The following PPP6R3 variants were observed in gnomAD, a reference collection of about 807,000 sequenced individuals.
PPP6R3 encodes protein phosphatase 6 regulatory subunit 3.
Under a neutral mutation model 110.7 loss-of-function variants are expected in PPP6R3, and 38 were observed. That is an observed-to-expected ratio of 0.34 (90% CI 0.26 to 0.45). PPP6R3 has a LOEUF of 0.45. PPP6R3 is among the 20% of genes least tolerant of loss of function. The pLI, the probability that PPP6R3 is intolerant of heterozygous loss-of-function variation, is 1.00. For synonymous variants in PPP6R3, 369 were observed against 373.5 expected (o/e 0.99, Z 0.14); for missense variants, 870 against 1,062.4 (o/e 0.82, Z 2.52).
At position 68,511,463 on chromosome 11, in the gene PPP6R3, A is replaced by AGAGTGTGTGTGTGTGT. The variant is rs1555082964; in HGVS notation, c.-157-8037_-157-8036insAGTGTGTGTGTGTGTG. Reference sequence around the variant, plus strand: ...CTCTGGAAATGTGTTACTGTGTTAGAGTGTGTGTGTGTGTGTGTGTGTGTG... The same window carrying AGAGTGTGTGTGTGTGT: ...CTCTGGAAATGTGTTACTGTGTTAGAGAGTGTGTGTGTGTGTGTGTGTGTGTGTGTGTGTGTGTGTG... On this transcript the variant is annotated intron_variant, in intron 1 of 23. Transcript: ENST00000393800. Among the ~76,000 whole-genome samples, 69 of 138,604 alleles carry AGAGTGTGTGTGTGTGT rather than the reference A, an allele frequency of 5.0e-4. 1 individual carries two copies. Among genetic ancestry groups the AGAGTGTGTGTGTGTGT allele is most frequent in the Admixed American group, 2.0e-3 (27 of 13,652 alleles). 90.9% of individuals were successfully genotyped at this position (138,604 alleles called of 152,430 possible).
intron 6 of PPP6R3, among the ~76,000 whole-genome samples, chr11:68,553,763 G>C (rs1405133169): frequency 6.6e-6 from 1 of 151,976 alleles, no homozygotes; most frequent in Non-Finnish European, 1.5e-5. Context: ...GCATTATACT[G>C]GTTGGGCATC....
rs1944825885 is a variant in PPP6R3, at chr11:68,614,538, C to T, written c.*1421C>T. 12 of 1,454,950 alleles carry T rather than the reference C, an allele frequency of 8.2e-6. No homozygotes were observed. The highest frequency in any genetic ancestry group is 1.1e-5 in the Non-Finnish European group (12 of 1,110,890). The allele number at this position is 1,454,950 out of a possible 1,614,324, so 90.1% of individuals were successfully genotyped here. A position where few individuals can be genotyped will look rare whatever the true frequency, so the allele number is the denominator to read the frequency against. On this transcript the variant is annotated 3_prime_UTR_variant, in exon 24 of 24. Coordinates refer to ENST00000393800, the MANE Select transcript of PPP6R3 (RefSeq NM_001164161.2). Reference sequence around the variant, plus strand: ...CAACAATTTTTTTAGAAGTAGCATCCCAAGCAGCGTGCCTAAACATTACAT... The same window carrying T: ...CAACAATTTTTTTAGAAGTAGCATCTCAAGCAGCGTGCCTAAACATTACAT...
At chr11:68,472,748 T>C (rs1819301648) in intron 1 of PPP6R3, among the ~76,000 whole-genome samples, 1 of 152,168 alleles carries the variant, frequency 6.6e-6, no homozygotes, top group African/African-American at 2.4e-5. Context: ...AATCTAACTT[T>C]GTAACATTTT....
intron 1 of PPP6R3, among the ~76,000 whole-genome samples, chr11:68,499,717 T>C (rs535994943): frequency 1.3e-5 from 2 of 152,094 alleles, no homozygotes; most frequent in South Asian, 2.1e-4. Context: ...GGCCCACAGT[T>C]GCGCGCACCA....
At chr11:68,591,735 T>C (rs770354044) in intron 18 of PPP6R3, 29 bp downstream of exon 18, 1 of 1,593,908 alleles carries the variant, frequency 6.3e-7, no homozygotes, top group Non-Finnish European at 8.5e-7. Context: ...TAGTTGTAAT[T>C]ATAGCCAACC....
chr11:68,470,330 G>T (rs981344518), intron 1 of PPP6R3, among the ~76,000 whole-genome samples: 10 of 152,114 alleles, frequency 6.6e-5, no homozygotes, highest in African/African-American at 2.4e-4. Flanking sequence ...CAGTGGGGTA[G>T]GGGCAGCATT....
chr11:68,481,622 G>T (rs1001622075), intron 1 of PPP6R3, among the ~76,000 whole-genome samples: 1 of 152,198 alleles, frequency 6.6e-6, no homozygotes, highest in African/African-American at 2.4e-5. Flanking sequence ...GGGCATGTTT[G>T]TATCTATCTC....
At position 68,552,648 on chromosome 11, in the gene PPP6R3, CT is replaced by C. The variant is rs147885691; in HGVS notation, c.618+1463del. 8.1e-3 allele frequency among the ~76,000 whole-genome samples: 1,228 copies of C among 152,270 alleles called. 16 individuals carry two copies. Among genetic ancestry groups the C allele is most frequent in the African/African-American group, 0.029 (1,187 of 41,538 alleles). On this transcript the variant is annotated intron_variant, in intron 6 of 23. Transcript: ENST00000393800. The stretch of plus-strand genomic sequence containing the variant: ...AGTGTGGTTCTAGGAGCAGGTTTCC[CT>C]GTGATGACAGTGTGGCCTGTGCAGG...
intron 19 of PPP6R3, among the ~76,000 whole-genome samples, chr11:68,599,994 T>C (rs932966574): frequency 1.3e-5 from 2 of 152,140 alleles, no homozygotes; most frequent in Admixed American, 1.3e-4. Context: ...TGATGGCGGG[T>C]GCCAGTAATC....
At chr11:68,556,439 T>C (rs2153714427) in intron 7 of PPP6R3, among the ~76,000 whole-genome samples, 1 of 152,068 alleles carries the variant, frequency 6.6e-6, no homozygotes, top group East Asian at 1.9e-4. Flanking sequence ...TAGAATAGAC[T>C]CTGTATCTGA....
chr11:68,469,566 A>T (rs1253788986), intron 1 of PPP6R3, among the ~76,000 whole-genome samples: 2 of 150,334 alleles, frequency 1.3e-5, no homozygotes, highest in Non-Finnish European at 3.0e-5. Flanking sequence ...TCTTGTAGAG[A>T]CAAGATCTTC....
chr11:68,608,013 C>T (rs114850742), intron 22 of PPP6R3, among the ~76,000 whole-genome samples: 1,524 of 148,690 alleles, frequency 0.01, 10 homozygotes, highest in African/African-American at 0.012. Context: ...AAGTGAGCCT[C>T]CTTCCTCGGC....
intron 1 of PPP6R3, among the ~76,000 whole-genome samples, chr11:68,510,054 CTTTT>C (rs372113258): frequency 3.9e-5 from 3 of 76,968 alleles, no homozygotes; most frequent in African/African-American, 5.5e-5. Context: ...TGTGCTCGGC[CTTTT>C]TTTTTTTTTT....
intron 1 of PPP6R3, among the ~76,000 whole-genome samples, chr11:68,461,200 G>GC (rs1254254782): frequency 1.3e-5 from 2 of 151,170 alleles, no homozygotes; most frequent in Admixed American, 6.6e-5. Context: ...CCGCAGTCTC[G>GC]CCCCCCGCCC....
At chr11:68,482,304 C>G (rs1341601341) in intron 1 of PPP6R3, among the ~76,000 whole-genome samples, 1 of 150,638 alleles carries the variant, frequency 6.6e-6, no homozygotes, top group East Asian at 1.9e-4. Flanking sequence ...ATCCCAGCTA[C>G]TCAGGAGGCT....
At chr11:68,511,780 CGTGT>C (rs143019841) in intron 1 of PPP6R3, among the ~76,000 whole-genome samples, 5 of 126,578 alleles carry the variant, frequency 4.0e-5, no homozygotes, top group East Asian at 2.5e-4. Context: ...TGCGCCCAGC[CGTGT>C]GTGTGTGTGT....
rs573192608 is a variant in PPP6R3, at chr11:68,471,197, T to C, written c.-158+10370T>C. On this transcript the variant is annotated intron_variant, in intron 1 of 23. Transcript: ENST00000393800. ...TACTCTGGAAGCTGAGGCAGGAGAG[T>C]GGCATGAACCCGGGAGGTGGAGTTT... Among the ~76,000 whole-genome samples, 24 of 143,570 alleles carry C rather than the reference T, an allele frequency of 1.7e-4. 1 individual carries two copies. In the South Asian group the frequency reaches 5.0e-3, roughly 30 times the overall value. 94.2% of individuals were successfully genotyped at this position (143,570 alleles called of 152,430 possible).
At position 68,550,631 on chromosome 11, in the gene PPP6R3, T is replaced by G. The variant is rs569723853; in HGVS notation, c.553-490T>G. ...TGCTTCCTCCAGCCCCCACGTTTCCTGCAGTGGGTTTGGTTTTGTAATCTA... is the reference window on the plus strand; with the variant it reads ...TGCTTCCTCCAGCCCCCACGTTTCCGGCAGTGGGTTTGGTTTTGTAATCTA... On this transcript the variant is annotated intron_variant, in intron 5 of 23. Transcript: ENST00000393800. Among the ~76,000 whole-genome samples, 6 of 152,364 alleles carry G rather than the reference T, an allele frequency of 3.9e-5. No homozygotes were observed. In the South Asian group the frequency reaches 8.3e-4, roughly 21 times the overall value.
chr11:68,581,703 T>C (rs904525283), intron 14 of PPP6R3, among the ~76,000 whole-genome samples: 1 of 152,242 alleles, frequency 6.6e-6, no homozygotes, highest in Admixed American at 6.5e-5. Context: ...CTGGCAAGGC[T>C]TTCCTGGAAC....
Sources: gnomAD v4.1 joint callset for allele counts (sites outside exome capture counted in the v4.1 genomes callset) on GRCh38, gnomAD v4.1.1 for gene constraint, MANE v1.5 for transcripts, NCBI Gene and HGNC (gene_info 2026-07-23, HGNC 2026-07-21) for gene names.